The following FAF1 variants were observed in gnomAD, a reference collection of about 807,000 sequenced individuals.
The protein encoded by FAF1 is FAS-associated factor 1.
A neutral mutation model predicts 92.5 loss-of-function variants in FAF1; 25 were observed. That is an observed-to-expected ratio of 0.27 (90% CI 0.20 to 0.38). FAF1 has a LOEUF of 0.38. Among genes scored for constraint, FAF1 ranks in the 10% least tolerant of loss-of-function variants. The pLI, the probability that FAF1 is intolerant of heterozygous loss-of-function variation, is 1.00. For synonymous variants in FAF1, 234 were observed against 273.2 expected (o/e 0.86, Z 1.42); for missense variants, 636 against 793.3 (o/e 0.80, Z 2.38).
chr1:50,800,909 T>C (rs1375044803), intron 3 of FAF1, among the ~76,000 whole-genome samples: 2 of 152,214 alleles, frequency 1.3e-5, no homozygotes, highest in Non-Finnish European at 2.9e-5. Context: ...ATCAAGTAAT[T>C]AAACTACACT....
chr1:50,617,791 CT>C (rs1557437872), intron 8 of FAF1, among the ~76,000 whole-genome samples: 4 of 149,586 alleles, frequency 2.7e-5, no homozygotes, highest in East Asian at 2.0e-4. Context: ...TGGTCCAGTG[CT>C]TTTTTTGGTT....
intron 18 of FAF1, among the ~76,000 whole-genome samples, chr1:50,464,106 T>G (rs938540374): frequency 1.3e-5 from 2 of 152,164 alleles, no homozygotes; most frequent in Non-Finnish European, 2.9e-5. Context: ...AAGCCTCACA[T>G]GTCTTGAATG....
At position 50,692,241 on chromosome 1, in the gene FAF1, C is replaced by CTGTGTGTGTGTG. The variant is rs59187392; in HGVS notation, c.657+13533_657+13544dup. 8.2e-3 allele frequency among the ~76,000 whole-genome samples: 1,063 copies of CTGTGTGTGTGTG among 129,050 alleles called. 11 individuals are homozygous for CTGTGTGTGTGTG. The highest frequency in any genetic ancestry group is 0.01 in the Admixed American group (127 of 12,244). 84.7% of individuals were successfully genotyped at this position (129,050 alleles called of 152,430 possible). On this transcript the variant is annotated intron_variant, in intron 7 of 18. Transcript: ENST00000396153. ...ACATATCCAGCACTTGAAGTATTTA[C>CTGTGTGTGTGTG]TGTGTGTGTGTGTGTGTGTGTGTGT...
intron 1 of FAF1, among the ~76,000 whole-genome samples, chr1:50,892,469 T>C (rs1644727970): frequency 6.6e-6 from 1 of 152,208 alleles, no homozygotes; most frequent in Non-Finnish European, 1.5e-5. Context: ...GCTGTTCCTA[T>C]TTGGCCATCT....
intron 1 of FAF1, among the ~76,000 whole-genome samples, chr1:50,957,295 T>C (rs1208623871): frequency 6.6e-6 from 1 of 151,892 alleles, no homozygotes; most frequent in Non-Finnish European, 1.5e-5. Flanking sequence ...ACCATTGGTC[T>C]GAAGAGAAAA....
chr1:50,468,238 C>T (rs1285434127), intron 18 of FAF1, among the ~76,000 whole-genome samples: 3 of 151,922 alleles, frequency 2.0e-5, no homozygotes, highest in South Asian at 4.2e-4. Flanking sequence ...AACAAAACTG[C>T]ATCACATTGT....
chr1:50,683,138 G>C (rs948800013), intron 7 of FAF1, among the ~76,000 whole-genome samples: 1 of 152,118 alleles, frequency 6.6e-6, no homozygotes, highest in South Asian at 2.1e-4. Context: ...ATGTTACATA[G>C]GATGGTTAGA....
intron 7 of FAF1, among the ~76,000 whole-genome samples, chr1:50,685,189 G>C (rs1656602456): frequency 6.6e-6 from 1 of 152,176 alleles, no homozygotes; most frequent in Non-Finnish European, 1.5e-5. Context: ...AAAAATTTAT[G>C]TGTTCAGAGG....
At position 50,959,879 on chromosome 1, in the gene FAF1, G is replaced by A. The variant is rs1645301607; in HGVS notation, c.-68C>T. ...CTGGGAGGCAGACGGCACCTCCTGC[G>A]ACCGTCGCCGCCACCGCCGCCGCCG... On this transcript the variant is annotated 5_prime_UTR_variant, in exon 1 of 19. Transcript: ENST00000396153. 3 of 1,154,584 alleles carry A rather than the reference G, an allele frequency of 2.6e-6. No individual in the cohort carries two copies. Among genetic ancestry groups the A allele is most frequent in the Non-Finnish European group, 3.4e-6 (3 of 889,630 alleles). The allele number at this position is 1,154,584 out of a possible 1,614,324, so 71.5% of individuals were successfully genotyped here. A position where few individuals can be genotyped will look rare whatever the true frequency, so the allele number is the denominator to read the frequency against.
chr1:50,470,672 T>C (rs1315208276), intron 18 of FAF1: 2 of 152,256 alleles, frequency 1.3e-5, no homozygotes, highest in African/African-American at 2.4e-5. Flanking sequence ...TATAGTAATT[T>C]ATATTCACTT....
At chr1:50,441,767 T>G (rs1305664602) in intron 18 of FAF1, among the ~76,000 whole-genome samples, 1 of 152,112 alleles carries the variant, frequency 6.6e-6, no homozygotes, top group Non-Finnish European at 1.5e-5. Context: ...GTACCTTTCT[T>G]GCACAGCTCA....
intron 1 of FAF1, among the ~76,000 whole-genome samples, 193 bp from the exon 2 acceptor site, chr1:50,858,190 T>G (rs1230865425): frequency 6.6e-6 from 1 of 151,790 alleles, no homozygotes; most frequent in Non-Finnish European, 1.5e-5. Context: ...CAAAGTAAAT[T>G]TACATTGCTC....
At chr1:50,475,381 T>G (rs1440338947) in intron 18 of FAF1, 83 bp downstream of exon 18, 1 of 1,118,666 alleles carries the variant, frequency 8.9e-7, no homozygotes. Flanking sequence ...ACCATGGGAC[T>G]TTTCTTGAAC....
At chr1:50,669,499 A>G (rs1238778132) in intron 7 of FAF1, among the ~76,000 whole-genome samples, 2 of 152,210 alleles carry the variant, frequency 1.3e-5, no homozygotes, top group Admixed American at 1.3e-4. Context: ...AAATTGTCAG[A>G]TGTTGACTAT....
At chr1:50,872,769 G>A (rs1644538597) in intron 1 of FAF1, among the ~76,000 whole-genome samples, 1 of 152,038 alleles carries the variant, frequency 6.6e-6, no homozygotes, top group Non-Finnish European at 1.5e-5. Context: ...GTGTGGTGGT[G>A]GGTGCCTGTA....
chr1:50,903,185 A>T (rs553035021), intron 1 of FAF1, among the ~76,000 whole-genome samples: 32 of 152,072 alleles, frequency 2.1e-4, no homozygotes, highest in Non-Finnish European at 4.3e-4. Flanking sequence ...CTACTCTCAC[A>T]CCTTTTGCTC....
intron 14 of FAF1, among the ~76,000 whole-genome samples, chr1:50,537,348 T>C (rs1468168706): frequency 1.3e-5 from 2 of 152,196 alleles, no homozygotes; most frequent in Non-Finnish European, 2.9e-5. Context: ...ACTACATATT[T>C]AAGCCCTTAT....
At chr1:50,834,327 T>C (rs182421491) in intron 2 of FAF1, among the ~76,000 whole-genome samples, 38 of 152,326 alleles carry the variant, frequency 2.5e-4, no homozygotes, top group African/African-American at 7.9e-4. Context: ...TTTATAGCAA[T>C]GCAAGAATGG....
chr1:50,904,920 G>A (rs186619644), intron 1 of FAF1, among the ~76,000 whole-genome samples: 1 of 150,318 alleles, frequency 6.7e-6, no homozygotes, highest in African/African-American at 2.5e-5. Context: ...AAGTTCTAGG[G>A]TACTTGTGCA....
Sources: gnomAD v4.1 joint callset for allele counts (sites outside exome capture counted in the v4.1 genomes callset) on GRCh38, gnomAD v4.1.1 for gene constraint, MANE v1.5 for transcripts, NCBI Gene and HGNC (gene_info 2026-07-23, HGNC 2026-07-21) for gene names.